DGKB: variants seen among roughly 807,000 people sequenced by gnomAD.
DGKB encodes the protein diacylglycerol kinase beta.
Under a neutral mutation model 114.3 loss-of-function variants are expected in DGKB, and 67 were observed. The observed-to-expected ratio is 0.59, with a 90% CI of 0.48 to 0.72. DGKB has a LOEUF of 0.72. DGKB is among the 30% of genes least tolerant of loss of function. The probability of loss-of-function intolerance (pLI) is 0.00; values close to 1 mark genes in which losing one functional copy is unlikely to be tolerated. For missense variants in DGKB, 907 were observed against 975.2 expected (o/e 0.93, Z 0.93); for synonymous variants, 398 against 323.1 (o/e 1.23, Z -2.49).
intron 20 of DGKB, among the ~76,000 whole-genome samples, chr7:14,550,151 A>G (rs1018271901): frequency 6.6e-6 from 1 of 152,148 alleles, no homozygotes; most frequent in Non-Finnish European, 1.5e-5. Flanking sequence ...ATTATTGGTT[A>G]TTATATTATG....
At chr7:14,485,832 A>G (rs1783717282) in intron 20 of DGKB, among the ~76,000 whole-genome samples, 2 of 150,798 alleles carry the variant, frequency 1.3e-5, no homozygotes, top group Admixed American at 1.3e-4. Context: ...CGGAGGTTGC[A>G]GTGGGCTAAG....
intron 1 of DGKB, among the ~76,000 whole-genome samples, chr7:14,933,621 GTTT>G (rs1017032275): frequency 3.9e-5 from 6 of 152,052 alleles, no homozygotes; most frequent in African/African-American, 1.4e-4. Context: ...GAATTTAAAT[GTTT>G]TTTAACTTAT....
At chr7:14,360,465 T>TAA (rs1214236699) in intron 21 of DGKB, among the ~76,000 whole-genome samples, 1 of 151,174 alleles carries the variant, frequency 6.6e-6, no homozygotes, top group Non-Finnish European at 1.5e-5. Flanking sequence ...TATATATATA[T>TAA]AAAGAATATA....
chr7:14,458,399 G>A (rs1164654833), intron 21 of DGKB, among the ~76,000 whole-genome samples: 1 of 152,150 alleles, frequency 6.6e-6, no homozygotes, highest in Non-Finnish European at 1.5e-5. Flanking sequence ...GTGCCCAGCG[G>A]TGGCTGGCAA....
chr7:14,800,704 T>C (rs899917077), intron 2 of DGKB, among the ~76,000 whole-genome samples: 1 of 152,206 alleles, frequency 6.6e-6, no homozygotes, highest in African/African-American at 2.4e-5. Context: ...GGAGACCCAA[T>C]GTTTCTACTG....
chr7:14,192,525 A>G (rs1439178697), intron 23 of DGKB, among the ~76,000 whole-genome samples: 1 of 152,132 alleles, frequency 6.6e-6, no homozygotes, highest in Non-Finnish European at 1.5e-5. Flanking sequence ...TTAAATGGTC[A>G]TAGTACCCAA....
At position 14,514,723 on chromosome 7, in the gene DGKB, A is replaced by T. The variant is rs369591661; in HGVS notation, c.1771-36498T>A. On this transcript the variant is annotated intron_variant, in intron 20 of 25. Transcript: ENST00000402815. ...ATGAATGTTCTCAATTAATTGTTTC[A>T]ACAACCTTATGAGAAAGATGCCATT... 2.6e-3 allele frequency among the ~76,000 whole-genome samples: 395 copies of T among 152,258 alleles called. 2 individuals carry two copies. Among genetic ancestry groups the T allele is most frequent in the African/African-American group, 8.7e-3 (360 of 41,556 alleles).
intron 21 of DGKB, among the ~76,000 whole-genome samples, chr7:14,346,922 T>G (rs2128596020): frequency 6.6e-6 from 1 of 152,198 alleles, no homozygotes; most frequent in South Asian, 2.1e-4. Context: ...AGTCTTTCTA[T>G]ATTCAGCAAC....
At position 14,147,494 on chromosome 7, in the gene DGKB, A is replaced by G. The variant is rs1313268114; in HGVS notation, c.*1637T>C. 1 of 152,150 alleles carries G rather than the reference A, an allele frequency of 6.6e-6. No homozygotes were observed. The highest frequency in any genetic ancestry group is 2.4e-5 in the African/African-American group (1 of 41,464). The allele number at this position is 152,150 out of a possible 1,614,324, so 9.4% of individuals were successfully genotyped here. A position where few individuals can be genotyped will look rare whatever the true frequency, so the allele number is the denominator to read the frequency against. ...TTCAGTTGAGTTTTCAAACCAAAGA[A>G]CTAAAATTATAGCAATTTCACTTGA... On this transcript the variant is annotated 3_prime_UTR_variant, in exon 26 of 26. Transcript: ENST00000402815.
At chr7:14,264,519 A>G (rs113682739) in intron 23 of DGKB, among the ~76,000 whole-genome samples, 49 of 152,264 alleles carry the variant, frequency 3.2e-4, no homozygotes, top group African/African-American at 9.4e-4. Flanking sequence ...GGCTCCACTC[A>G]TGAGTACTAG....
At chr7:14,571,480 C>T (rs529575274) in intron 20 of DGKB, among the ~76,000 whole-genome samples, 17 of 152,280 alleles carry the variant, frequency 1.1e-4, no homozygotes, top group African/African-American at 3.6e-4. Context: ...AGCAGCTAAC[C>T]AGCAGATTGG....
chr7:14,555,780 G>A (rs888598385), intron 20 of DGKB, among the ~76,000 whole-genome samples: 2 of 152,156 alleles, frequency 1.3e-5, no homozygotes, highest in Non-Finnish European at 2.9e-5. Flanking sequence ...TCACAAGAGT[G>A]ATCTCTGGTC....
At chr7:14,749,352 TTTAAA>T (rs1385239163) in intron 4 of DGKB, among the ~76,000 whole-genome samples, 1 of 152,166 alleles carries the variant, frequency 6.6e-6, no homozygotes, top group Non-Finnish European at 1.5e-5. Flanking sequence ...AATTTTAATT[TTTAAA>T]TTAGTTTTGG....
Position 14,146,102 on chromosome 7 carries a change from A to G in DGKB, c.*3029T>C, listed in dbSNP as rs2128205762. ...AAATAAAAACTGTTTTAAAATGTTA[A>G]TTTTTAAACTTCCTGCAAGATATCT... On this transcript the variant is annotated 3_prime_UTR_variant, in exon 26 of 26. Transcript: ENST00000402815. 6.6e-6 allele frequency: 1 copy of G among 152,336 alleles called. No individual in the cohort carries two copies. The highest frequency in any genetic ancestry group is 1.9e-4 in the East Asian group (1 of 5,194). 9.4% of individuals were successfully genotyped at this position (152,336 alleles called of 1,614,324 possible). A position where few individuals can be genotyped will look rare whatever the true frequency, so the allele number is the denominator to read the frequency against.
At chr7:14,674,886 G>A (rs2128953226) in intron 12 of DGKB, among the ~76,000 whole-genome samples, 1 of 152,210 alleles carries the variant, frequency 6.6e-6, no homozygotes, top group Non-Finnish European at 1.5e-5. Context: ...CTAGCCTCCA[G>A]AGCTATGAGT....
At chr7:14,926,340 T>C (rs1376258627) in intron 1 of DGKB, among the ~76,000 whole-genome samples, 1 of 152,020 alleles carries the variant, frequency 6.6e-6, no homozygotes, top group African/African-American at 2.4e-5. Context: ...AATTTGTGAT[T>C]TCCCTTGCTT....
chr7:14,838,553 T>C (rs1024678223), intron 2 of DGKB, among the ~76,000 whole-genome samples: 10 of 152,156 alleles, frequency 6.6e-5, no homozygotes, highest in African/African-American at 2.2e-4. Flanking sequence ...TCTCTCTCTC[T>C]GTCAGTTGTT....
intron 13 of DGKB, among the ~76,000 whole-genome samples, chr7:14,650,195 T>A (rs1195069138): frequency 9.9e-6 from 1 of 101,426 alleles, no homozygotes; most frequent in African/African-American, 4.1e-5. Flanking sequence ...GAATATACAT[T>A]TTTTTCAGCA....
At chr7:14,209,187 G>A (rs201238551) in intron 23 of DGKB, 6 of 193,910 alleles carry the variant, frequency 3.1e-5, no homozygotes, top group East Asian at 3.8e-4. Flanking sequence ...AAAAAAAAAC[G>A]CCAAATTTAA....
Sources: gnomAD v4.1 joint callset for allele counts (sites outside exome capture counted in the v4.1 genomes callset) on GRCh38, gnomAD v4.1.1 for gene constraint, MANE v1.5 for transcripts, NCBI Gene and HGNC (gene_info 2026-07-23, HGNC 2026-07-21) for gene names.